The following KIF15 variants were observed in gnomAD, a reference collection of about 807,000 sequenced individuals.
The protein encoded by KIF15 is kinesin-like protein KIF15.
In KIF15, 140 loss-of-function variants were observed where a neutral mutation model predicts 190.6. The ratio of observed to expected loss-of-function variants is 0.73; its 90% CI spans 0.64 to 0.84. The LOEUF is 0.84. KIF15 is among the 40% of genes least tolerant of loss of function. The probability of loss-of-function intolerance (pLI) is 0.00; values close to 1 mark genes in which losing one functional copy is unlikely to be tolerated. For synonymous variants in KIF15, 528 were observed against 551.3 expected, an observed-to-expected ratio of 0.96 and a Z score of 0.59; for missense variants, 1,372 against 1,584.4, an observed-to-expected ratio of 0.87 and a Z score of 2.28.
At chr3:44,809,862 T>C (rs901268126) in intron 16 of KIF15, among the ~76,000 whole-genome samples, 3 of 151,776 alleles carry the variant, frequency 2.0e-5, no homozygotes, top group Non-Finnish European at 4.4e-5. Flanking sequence ...AGGCCAGGAG[T>C]TGGAGACCAG....
At position 44,797,610 on chromosome 3, in the gene KIF15, C is replaced by T. The variant is rs201191673; in HGVS notation, c.909C>T (p.Val303=). The part of the protein sequence containing the change: ...SCLGQVITAL[V]DVGNGKQRHV... The stretch of plus-strand genomic sequence containing the variant: ...TGGGCCAAGTGATTACAGCACTTGT[C>T]GACGTGGGTAATGGAAAACAGAGAC... The change falls in exon 9 of 35, where the codon GTC becomes GTT. Residue 303 remains valine, a synonymous_variant. Transcript: ENST00000326047. 24 of 1,614,012 alleles carry T rather than the reference C, an allele frequency of 1.5e-5. No individual in the cohort carries two copies. In the East Asian group the frequency reaches 3.3e-4, roughly 22 times the overall value.
chr3:44,853,621 G>A (rs769894153), downstream of KIF15, among the ~76,000 whole-genome samples: 7 of 152,172 alleles, frequency 4.6e-5, no homozygotes, highest in Non-Finnish European at 8.8e-5. Flanking sequence ...TTAAGACATT[G>A]CCTGTTTTCC....
At chr3:44,786,353 C>T (rs769183618) in intron 6 of KIF15, 42 bp from the exon 7 acceptor site, 1 of 1,521,382 alleles carries the variant, frequency 6.6e-7, no homozygotes, top group East Asian at 2.3e-5. Flanking sequence ...TAGGTATGAA[C>T]ACATGAAAAT....
At chr3:44,857,818 G>A (rs761731643), downstream of KIF15, among the ~76,000 whole-genome samples, 68 of 152,170 alleles carry the variant, frequency 4.5e-4, no homozygotes, top group Non-Finnish European at 7.5e-4. Context: ...GAATTATGCC[G>A]AGGTAGGTAA....
chr3:44,832,602 C>T (rs929395505), intron 26 of KIF15, among the ~76,000 whole-genome samples: 3 of 152,104 alleles, frequency 2.0e-5, no homozygotes, highest in African/African-American at 7.2e-5. Context: ...TTATACATAC[C>T]AGTTTTGAAT....
At chr3:44,827,168 T>G (rs772899885) in intron 22 of KIF15, 8 of 392,994 alleles carry the variant, frequency 2.0e-5, no homozygotes, top group Non-Finnish European at 4.0e-5. Flanking sequence ...TCCTCGTGGA[T>G]TTTAACTTCT....
intron 6 of KIF15, chr3:44,865,063 T>C: frequency 6.2e-7 from 1 of 1,614,126 alleles, no homozygotes; most frequent in East Asian, 2.2e-5. Flanking sequence ...ATGTGCTGTA[T>C]GGAGAGTGCC....
chr3:44,766,740 T>G (rs1257635420), intron 1 of KIF15, among the ~76,000 whole-genome samples: 5 of 152,160 alleles, frequency 3.3e-5, no homozygotes, highest in African/African-American at 1.2e-4. Flanking sequence ...AACAGATGTT[T>G]CTTGGTTTGC....
intron 7 of KIF15, among the ~76,000 whole-genome samples, chr3:44,787,871 T>C (rs1365175545): frequency 6.6e-6 from 1 of 152,200 alleles, no homozygotes; most frequent in Non-Finnish European, 1.5e-5. Context: ...TTTGTTTTTT[T>C]GGAGACAGAA....
In KIF15 at chr3:44,838,328, C is replaced by T. The variant is rs774050267; in HGVS notation, c.3225C>T (p.Leu1075=). ...ATGCCACTGAGCAGCTGAACATGCT[C>T]ACAGAGGCCTCAAAAAAACACTCGG... ...LAHATEQLNM[L]TEASKKHSGL... Residue 1075 remains leucine (L), a synonymous_variant, in exon 27 of 35, where the codon CTC becomes CTT. Coordinates refer to ENST00000326047, the MANE Select transcript of KIF15 (RefSeq NM_020242.3). 4 of 1,613,892 alleles carry T rather than the reference C, an allele frequency of 2.5e-6. No homozygotes were observed. Among genetic ancestry groups the T allele is most frequent in the East Asian group, 2.2e-5 (1 of 44,868 alleles).
chr3:44,796,718 C>T (rs1354114029), intron 8 of KIF15, among the ~76,000 whole-genome samples: 1 of 152,090 alleles, frequency 6.6e-6, no homozygotes, highest in Non-Finnish European at 1.5e-5. Flanking sequence ...TCTAATGTAA[C>T]GTATTTAGCT....
chr3:44,864,736 G>T (rs558087710), intron 6 of KIF15, among the ~76,000 whole-genome samples: 1 of 152,110 alleles, frequency 6.6e-6, no homozygotes, highest in African/African-American at 2.4e-5. Flanking sequence ...GGAGCTGAGC[G>T]TAGTCAATCT....
chr3:44,810,968 A>C lies in KIF15; in HGVS notation c.2094A>C (p.Ile698=). 1 of 1,613,906 alleles carries C rather than the reference A, an allele frequency of 6.2e-7. No homozygotes were observed. The highest frequency in any genetic ancestry group is 8.5e-7 in the Non-Finnish European group (1 of 1,179,832). The change falls in exon 17 of 35, where the codon ATA becomes ATC. Residue 698 remains isoleucine, a synonymous_variant. Transcript: ENST00000326047. ...ATTCTAGCATATTAGATAATGATAT[A>C]TTAAATGAGCCAGTTCCTCCTGAGA... ...TQNSSILDND[I]LNEPVPPEMN...
intron 30 of KIF15, among the ~76,000 whole-genome samples, chr3:44,846,771 CAAAAAAAAAAAA>C (rs765234089): frequency 4.4e-5 from 3 of 67,814 alleles, no homozygotes; most frequent in African/African-American, 1.6e-4. Context: ...GACTCTGTCT[CAAAAAAAAAAAA>C]AAAAAAAAAG....
At chr3:44,814,329 GAC>G (rs1187198260) in intron 19 of KIF15, among the ~76,000 whole-genome samples, 28 of 151,740 alleles carry the variant, frequency 1.8e-4, no homozygotes, top group Non-Finnish European at 1.8e-4. Flanking sequence ...TTTGTTTTGA[GAC>G]AGAGTCTCAC....
intron 7 of KIF15, among the ~76,000 whole-genome samples, chr3:44,789,691 T>TATAAAA (rs1200236750): frequency 1.8e-5 from 2 of 109,776 alleles, no homozygotes; most frequent in African/African-American, 7.3e-5. Flanking sequence ...TATATATATA[T>TATAAAA]AAAATAGATA....
At chr3:44,774,494 A>G in intron 2 of KIF15, 57 bp downstream of exon 2, 11 of 1,432,024 alleles carry the variant, frequency 7.7e-6, no homozygotes, top group Non-Finnish European at 9.8e-6. Flanking sequence ...GAATATTTTT[A>G]AAATAACCAT....
At chr3:44,821,187 T>C (rs1446677916) in intron 20 of KIF15, among the ~76,000 whole-genome samples, 55 of 102,988 alleles carry the variant, frequency 5.3e-4, no homozygotes, top group East Asian at 1.0e-3. Flanking sequence ...GGCTCCTCAC[T>C]TCCCAGTAGG....
chr3:44,777,669 G>C (rs936793171), intron 3 of KIF15, among the ~76,000 whole-genome samples: 2 of 152,204 alleles, frequency 1.3e-5, no homozygotes, highest in Admixed American at 6.5e-5. Context: ...AAAGGCGACA[G>C]AGTGAGACTC....
Sources: gnomAD v4.1 joint callset for allele counts (sites outside exome capture counted in the v4.1 genomes callset) on GRCh38, gnomAD v4.1.1 for gene constraint, MANE v1.5 for transcripts, NCBI Gene and HGNC (gene_info 2026-07-23, HGNC 2026-07-21) for gene names.